ATXN10: variants seen among roughly 807,000 people sequenced by gnomAD.
ATXN10 encodes the protein ataxin-10.
A neutral mutation model predicts 52.9 loss-of-function variants in ATXN10; 28 were observed. The observed-to-expected ratio is 0.53, with a 90% CI of 0.39 to 0.73. The LOEUF (loss-of-function observed/expected upper bound fraction) is 0.73. ATXN10 is among the 30% of genes least tolerant of loss of function. The probability of loss-of-function intolerance (pLI) is 0.00; values close to 1 mark genes in which losing one functional copy is unlikely to be tolerated. For synonymous variants in ATXN10, 226 were observed against 221.5 expected (o/e 1.02, Z -0.18); for missense variants, 565 against 577.0 (o/e 0.98, Z 0.21).
intron 7 of ATXN10, among the ~76,000 whole-genome samples, chr22:45,731,805 G>A (rs1925100050): frequency 6.6e-6 from 1 of 152,110 alleles, no homozygotes; most frequent in South Asian, 2.1e-4. Flanking sequence ...TTGTCATATA[G>A]ACCATGTTAG....
intron 6 of ATXN10, among the ~76,000 whole-genome samples, chr22:45,726,749 A>G (rs1924887074): frequency 6.6e-6 from 1 of 152,144 alleles, no homozygotes; most frequent in Admixed American, 6.6e-5. Context: ...GTGCAGTGGC[A>G]CGATCACTGC....
rs1029894588 is a variant in ATXN10, at chr22:45,784,828, G to GTT, written c.1174-22129_1174-22128dup. On this transcript the variant is annotated intron_variant, in intron 9 of 11. Transcript: ENST00000252934. This position sits in a 1 kb window ranked among gnomAD's most constrained non-coding sequence, Gnocchi z 4.2. Reference sequence around the variant, plus strand: ...AACACCGTGGGCAAGCTGATCAACAGTTTCCAGGGCATTATTTATTGATGG... The same window carrying GTT: ...AACACCGTGGGCAAGCTGATCAACAGTTTTTCCAGGGCATTATTTATTGATGG... 1.3e-5 allele frequency among the ~76,000 whole-genome samples: 2 copies of GTT among 152,178 alleles called. No individual in the cohort carries two copies. The highest frequency in any genetic ancestry group is 4.8e-5 in the African/African-American group (2 of 41,440).
Position 45,682,340 on chromosome 22 carries a change from A to T in ATXN10, c.117-7372A>T, listed in dbSNP as rs150319661. Among the ~76,000 whole-genome samples the T allele has an allele frequency of 3.0e-3, 457 of 151,540 alleles. 1 individual carries two copies. Among genetic ancestry groups the T allele is most frequent in the Middle Eastern group, 0.01 (3 of 294 alleles). Reference sequence around the variant, plus strand: ...ACTTCTTTGTTTTTTTTTTTGAGACAGGGTCTCGCTCTGTCACCCAGGCTG... The same window carrying T: ...ACTTCTTTGTTTTTTTTTTTGAGACTGGGTCTCGCTCTGTCACCCAGGCTG... On this transcript the variant is annotated intron_variant, in intron 1 of 11. Transcript: ENST00000252934.
At chr22:45,810,118 A>G (rs186095819) in intron 10 of ATXN10, among the ~76,000 whole-genome samples, 350 of 152,250 alleles carry the variant, frequency 2.3e-3, no homozygotes, top group Admixed American at 3.9e-3. Context: ...GTTAGGATCT[A>G]TTTCTATTCT....
chr22:45,838,673 A>G (rs922494189), intron 10 of ATXN10, among the ~76,000 whole-genome samples: 3 of 152,206 alleles, frequency 2.0e-5, no homozygotes, highest in African/African-American at 7.2e-5. Context: ...CTCTCGTGAC[A>G]CTTCAGACTG....
At chr22:45,676,481 A>G (rs539092356) in intron 1 of ATXN10, 2 of 146,446 alleles carry the variant, frequency 1.4e-5, no homozygotes, top group African/African-American at 5.0e-5. Context: ...ATATTTTTTA[A>G]TTTGTTTTTT....
intron 1 of ATXN10, among the ~76,000 whole-genome samples, chr22:45,686,833 AAAGG>A (rs1399341041): frequency 1.3e-5 from 2 of 151,806 alleles, no homozygotes; most frequent in Non-Finnish European, 2.9e-5. Flanking sequence ...AAAAAAAAAA[AAAGG>A]AGATGTAAGT....
At position 45,708,497 on chromosome 22, in the gene ATXN10, C is replaced by G. The variant is rs138148; in HGVS notation, c.647+5650C>G. ...CACAACTAGCATATAGCAGAGGCAG[C>G]ATTGCAAGTGATGCCAAACTCGAGG... On this transcript the variant is annotated intron_variant, in intron 5 of 11. Coordinates refer to ENST00000252934, the MANE Select transcript of ATXN10 (RefSeq NM_013236.4). This position sits in a 1 kb window ranked among gnomAD's most constrained non-coding sequence, Gnocchi z 5.3. Among the ~76,000 whole-genome samples the G allele has an allele frequency of 0.41, 61,866 of 152,030 alleles. 14,092 individuals carry two copies. Among genetic ancestry groups the G allele is most frequent in the African/African-American group, 0.63 (26,149 of 41,440 alleles).
rs992075525 is a variant in ATXN10 at position 45,770,534 on chromosome 22, A to C, written c.1173+29996A>C. Among the ~76,000 whole-genome samples, 2 of 152,196 alleles carry C rather than the reference A, an allele frequency of 1.3e-5. No homozygotes were observed. Among genetic ancestry groups the C allele is most frequent in the Non-Finnish European group, 1.5e-5 (1 of 68,038 alleles). ...AAATTCAAAGAAAGTTTAACATTGC[A>C]GAGGGGGCTCTGAATGAGCTGGATG... On this transcript the variant is annotated intron_variant, in intron 9 of 11. Transcript: ENST00000252934. The surrounding 1 kb of genome is among the most constrained non-coding windows in gnomAD (Gnocchi z 4.5).
intron 9 of ATXN10, chr22:45,793,680 A>G (rs754850659): frequency 2.1e-6 from 3 of 1,460,506 alleles, no homozygotes; most frequent in Non-Finnish European, 2.7e-6. Flanking sequence ...TCTCAAGAGA[A>G]GTCACCAATC....
chr22:45,752,734 G>A (rs1405143045), intron 9 of ATXN10, among the ~76,000 whole-genome samples: 2 of 151,774 alleles, frequency 1.3e-5, no homozygotes, highest in Admixed American at 6.6e-5. Context: ...TTCTTTTTCA[G>A]ATCCACTTCT....
At chr22:45,832,290 C>T (rs1446856227) in intron 10 of ATXN10, among the ~76,000 whole-genome samples, 1 of 152,236 alleles carries the variant, frequency 6.6e-6, no homozygotes, top group Non-Finnish European at 1.5e-5. Context: ...CACTCTCCCT[C>T]ACTCATTCTT....
At position 45,696,514 on chromosome 22, in the gene ATXN10, C is replaced by T. The variant is rs778750849; in HGVS notation, c.391+3436C>T. 1.3e-5 allele frequency among the ~76,000 whole-genome samples: 2 copies of T among 152,224 alleles called. No individual in the cohort carries two copies. Among genetic ancestry groups the T allele is most frequent in the Non-Finnish European group, 2.9e-5 (2 of 68,042 alleles). ...TATTAGAATGGAGCCAGCCCCTCCA[C>T]CATGTGCTGGATTTCATCGCCACTT... On this transcript the variant is annotated intron_variant, in intron 3 of 11. Coordinates refer to ENST00000252934, the MANE Select transcript of ATXN10 (RefSeq NM_013236.4). The surrounding 1 kb of genome is among the most constrained non-coding windows in gnomAD (Gnocchi z 4.7).
At chr22:45,821,174 C>A (rs185034316) in intron 10 of ATXN10, among the ~76,000 whole-genome samples, 2 of 152,084 alleles carry the variant, frequency 1.3e-5, no homozygotes, top group African/African-American at 4.8e-5. Context: ...CAAAGTGTAT[C>A]AGAATCAAAA....
At chr22:45,810,037 A>G (rs2146888054) in intron 10 of ATXN10, among the ~76,000 whole-genome samples, 1 of 152,210 alleles carries the variant, frequency 6.6e-6, no homozygotes, top group South Asian at 2.1e-4. Flanking sequence ...TATCTTTTGA[A>G]TGCTTTATAG....
At position 45,701,203 on chromosome 22, in the gene ATXN10, G is replaced by A. The variant is rs538119182; in HGVS notation, c.488+825G>A. The stretch of plus-strand genomic sequence containing the variant: ...ACATACCCTGAACTGGGCATTATCC[G>A]TATATTTTTTCTGTTCTCACAATAG... On this transcript the variant is annotated intron_variant, in intron 4 of 11. Coordinates refer to ENST00000252934, the MANE Select transcript of ATXN10 (RefSeq NM_013236.4). The surrounding 1 kb of genome is among the most constrained non-coding windows in gnomAD (Gnocchi z 4.2). Among the ~76,000 whole-genome samples, 42 of 152,264 alleles carry A rather than the reference G, an allele frequency of 2.8e-4. No individual in the cohort carries two copies. Among genetic ancestry groups the A allele is most frequent in the Admixed American group, 1.4e-3 (21 of 15,286 alleles).
At chr22:45,827,141 A>G in intron 10 of ATXN10, among the ~76,000 whole-genome samples, 1 of 103,442 alleles carries the variant, frequency 9.7e-6, no homozygotes, top group East Asian at 2.1e-4. Context: ...ACACACACAC[A>G]CACACACACA....
rs1601641904 is a variant in ATXN10 at position 45,780,876 on chromosome 22, A to G, written c.1174-26083A>G. On this transcript the variant is annotated intron_variant, in intron 9 of 11. Transcript: ENST00000252934. The surrounding 1 kb of genome is among the most constrained non-coding windows in gnomAD (Gnocchi z 4.0). ...GAACCCTGTCATCATATATGAAACAATCATGGAAACACGTGACAGGTGGGG... is the reference window on the plus strand; with the variant it reads ...GAACCCTGTCATCATATATGAAACAGTCATGGAAACACGTGACAGGTGGGG... Among the ~76,000 whole-genome samples the G allele has an allele frequency of 6.6e-6, 1 of 152,136 alleles. No individual in the cohort carries two copies. Among genetic ancestry groups the G allele is most frequent in the Non-Finnish European group, 1.5e-5 (1 of 68,018 alleles).
At chr22:45,815,700 G>A (rs887836479) in intron 10 of ATXN10, among the ~76,000 whole-genome samples, 1 of 151,872 alleles carries the variant, frequency 6.6e-6, no homozygotes, top group African/African-American at 2.4e-5. Flanking sequence ...AAGCTCTTGA[G>A]AGTTAAAGTA....
Sources: allele counts gnomAD v4.1 joint callset (sites outside exome capture counted in the v4.1 genomes callset), GRCh38; gene constraint gnomAD v4.1.1; non-coding constraint Gnocchi (gnomAD v3.1); transcripts MANE v1.5; gene names NCBI Gene and HGNC (gene_info 2026-07-23, HGNC 2026-07-21).